Variants in MAML3 observed in about 807,000 individuals in gnomAD.
MAML3 encodes the protein mastermind like transcriptional coactivator 3, also known as mastermind-like protein 3.
MAML3 carries 27 observed loss-of-function variants against 101.9 expected under a neutral mutation model. The ratio of observed to expected loss-of-function variants is 0.27; its 90% CI spans 0.20 to 0.37. The LOEUF (loss-of-function observed/expected upper bound fraction) is 0.37. MAML3 is among the 10% of genes least tolerant of loss of function. MAML3 has a pLI of 1.00. For missense variants in MAML3, 1,316 were observed against 1,444.9 expected, an observed-to-expected ratio of 0.91 and a Z score of 1.45; for synonymous variants, 501 against 555.9, an observed-to-expected ratio of 0.90 and a Z score of 1.39.
At chr4:140,037,918 C>T (rs1238301092) in intron 1 of MAML3, among the ~76,000 whole-genome samples, 1 of 152,162 alleles carries the variant, frequency 6.6e-6, no homozygotes, top group African/African-American at 2.4e-5. Flanking sequence ...GTTTGGCTGT[C>T]CATTCCACCC....
At chr4:139,817,312 A>G (rs1730908177) in intron 2 of MAML3, among the ~76,000 whole-genome samples, 2 of 152,234 alleles carry the variant, frequency 1.3e-5, no homozygotes, top group Non-Finnish European at 2.9e-5. Flanking sequence ...AGGGGTCACC[A>G]TATCTCCCCT....
intron 2 of MAML3, among the ~76,000 whole-genome samples, chr4:139,846,412 T>C (rs1731447112): frequency 6.6e-6 from 1 of 152,164 alleles, no homozygotes; most frequent in African/African-American, 2.4e-5. Flanking sequence ...AGTGGCACAA[T>C]CATAGCTTAC....
At chr4:140,090,466 C>T (rs1336255929) in intron 1 of MAML3, among the ~76,000 whole-genome samples, 1 of 152,226 alleles carries the variant, frequency 6.6e-6, no homozygotes, top group Non-Finnish European at 1.5e-5. Flanking sequence ...AGGCACTGTT[C>T]TAAGTGCTTA....
At chr4:140,093,075 A>G (rs1377046495) in intron 1 of MAML3, among the ~76,000 whole-genome samples, 10 of 152,178 alleles carry the variant, frequency 6.6e-5, no homozygotes. Flanking sequence ...CTGCTCTTTT[A>G]TGCGAGCAGA....
chr4:139,899,869 G>A (rs914734742), intron 1 of MAML3, among the ~76,000 whole-genome samples: 1 of 152,176 alleles, frequency 6.6e-6, no homozygotes, highest in Non-Finnish European at 1.5e-5. Flanking sequence ...ATCCCAGAAT[G>A]CGGCTTCCCT....
rs144967511 is a variant in MAML3 at position 140,035,950 on chromosome 4, A to C, written c.468+116910T>G. 6.2e-4 allele frequency among the ~76,000 whole-genome samples: 95 copies of C among 152,348 alleles called. No homozygotes were observed. The Middle Eastern group carries it at 0.017, about 27-fold the overall frequency. Reference sequence around the variant, plus strand: ...GATGTATTTCTTACTGGGGAGTTCAAAGAACAAAGAGCATAGTTGAGAATG... The same window carrying C: ...GATGTATTTCTTACTGGGGAGTTCACAGAACAAAGAGCATAGTTGAGAATG... On this transcript the variant is annotated intron_variant, in intron 1 of 4. Coordinates refer to ENST00000509479, the MANE Select transcript of MAML3 (RefSeq NM_018717.5).
At chr4:140,138,638 G>A (rs1728935332) in intron 1 of MAML3, among the ~76,000 whole-genome samples, 1 of 152,092 alleles carries the variant, frequency 6.6e-6, no homozygotes, top group African/African-American at 2.4e-5. Flanking sequence ...TGGCAAAGGA[G>A]TCCACTGCTA....
intron 1 of MAML3, among the ~76,000 whole-genome samples, chr4:140,073,272 G>A (rs1430086559): frequency 2.0e-5 from 3 of 151,248 alleles, no homozygotes; most frequent in Non-Finnish European, 4.4e-5. Flanking sequence ...CAAGTAGCTG[G>A]GATTATAGGC....
At chr4:139,808,713 A>C (rs752702178) in intron 2 of MAML3, among the ~76,000 whole-genome samples, 2 of 152,178 alleles carry the variant, frequency 1.3e-5, no homozygotes, top group African/African-American at 2.4e-5. Flanking sequence ...ATCCCCTCCC[A>C]AACTGTACTC....
intron 1 of MAML3, among the ~76,000 whole-genome samples, chr4:139,944,339 C>T (rs570920267): frequency 7.2e-5 from 11 of 152,218 alleles, no homozygotes; most frequent in South Asian, 2.1e-4. Flanking sequence ...TTCCCCCCAT[C>T]CCACCACAGT....
intron 1 of MAML3, among the ~76,000 whole-genome samples, chr4:139,951,430 C>G (rs1254192272): frequency 1.3e-5 from 2 of 152,244 alleles, no homozygotes; most frequent in Non-Finnish European, 2.9e-5. Context: ...GGAGGCCCAC[C>G]AGTGAGGTCA....
At chr4:140,087,836 A>G (rs746130611) in intron 1 of MAML3, among the ~76,000 whole-genome samples, 1 of 152,194 alleles carries the variant, frequency 6.6e-6, no homozygotes, top group Non-Finnish European at 1.5e-5. Flanking sequence ...ATAATTGTTT[A>G]ATCATAACTA....
At chr4:139,808,480 G>A (rs115305208) in intron 2 of MAML3, among the ~76,000 whole-genome samples, 3,107 of 152,278 alleles carry the variant, frequency 0.02, 48 homozygotes, top group Non-Finnish European at 0.033. Context: ...TTCAGAGTTC[G>A]GTCCTTAGTG....
chr4:140,127,329 A>G (rs897720392), intron 1 of MAML3, among the ~76,000 whole-genome samples: 3 of 152,224 alleles, frequency 2.0e-5, no homozygotes, highest in Non-Finnish European at 4.4e-5. Context: ...TGTCACTTCA[A>G]TGTTTAGCCC....
At chr4:139,970,352 G>C (rs1476341832) in intron 1 of MAML3, among the ~76,000 whole-genome samples, 1 of 152,174 alleles carries the variant, frequency 6.6e-6, no homozygotes, top group Non-Finnish European at 1.5e-5. Flanking sequence ...AGCACACAAA[G>C]GCAGGAGAGT....
chr4:140,059,404 C>T (rs992481158), intron 1 of MAML3, among the ~76,000 whole-genome samples: 8 of 152,098 alleles, frequency 5.3e-5, no homozygotes, highest in Non-Finnish European at 1.0e-4. Flanking sequence ...TGTACACAGA[C>T]TTATGGATGG....
At chr4:139,935,645 T>G (rs1021225910) in intron 1 of MAML3, among the ~76,000 whole-genome samples, 5 of 69,388 alleles carry the variant, frequency 7.2e-5, no homozygotes, top group African/African-American at 2.1e-4. Flanking sequence ...GTTTTTTTGT[T>G]TTTTTTTTTT....
At chr4:139,768,884 T>C (rs1490400228) in intron 2 of MAML3, among the ~76,000 whole-genome samples, 2 of 152,190 alleles carry the variant, frequency 1.3e-5, no homozygotes, top group African/African-American at 4.8e-5. Context: ...CCCCCTTTTC[T>C]TTCAGGTGAT....
chr4:140,036,001 C>T (rs746764786), intron 1 of MAML3, among the ~76,000 whole-genome samples: 2 of 152,260 alleles, frequency 1.3e-5, no homozygotes, highest in South Asian at 2.1e-4. Flanking sequence ...AAACCAGAAA[C>T]AAAGCATATC....
Sources: allele counts gnomAD v4.1 joint callset (sites outside exome capture counted in the v4.1 genomes callset), GRCh38; gene constraint gnomAD v4.1.1; transcripts MANE v1.5; gene names NCBI Gene and HGNC (gene_info 2026-07-23, HGNC 2026-07-21).